Variants in ZHX3 observed in about 807,000 individuals in gnomAD.
ZHX3 encodes the protein zinc fingers and homeoboxes protein 3.
A neutral mutation model predicts 64.5 loss-of-function variants in ZHX3; 20 were observed. The ratio of observed to expected loss-of-function variants is 0.31; its 90% confidence interval spans 0.22 to 0.45. The LOEUF (loss-of-function observed/expected upper bound fraction) is 0.45, where lower values mean the gene tolerates loss of function less well. ZHX3 is among the 20% of genes least tolerant of loss of function. The probability of loss-of-function intolerance (pLI) is 1.00; values close to 1 mark genes in which losing one functional copy is unlikely to be tolerated. For missense variants in ZHX3, 1,041 were observed against 1,195.8 expected (o/e 0.87, Z 1.91); for synonymous variants, 423 against 461.6 (o/e 0.92, Z 1.07).
At chr20:41,211,598 C>T (rs947703904) in intron 2 of ZHX3, among the ~76,000 whole-genome samples, 2 of 152,130 alleles carry the variant, frequency 1.3e-5, no homozygotes, top group African/African-American at 4.8e-5. Flanking sequence ...ACAATGAGCA[C>T]ACATTTGTGC....
intron 1 of ZHX3, among the ~76,000 whole-genome samples, chr20:41,287,191 C>A (rs2043978833): frequency 6.6e-6 from 1 of 150,762 alleles, no homozygotes; most frequent in South Asian, 2.1e-4. Context: ...GGAATCCACA[C>A]CTGTTCCCTT....
intron 2 of ZHX3, among the ~76,000 whole-genome samples, chr20:41,266,354 G>A (rs1033886728): frequency 3.3e-5 from 5 of 151,958 alleles, no homozygotes; most frequent in African/African-American, 7.2e-5. Flanking sequence ...ATTCCAGTTC[G>A]CCTTTGACCT....
rs181762404 is a variant in ZHX3, at chr20:41,266,797, G to A, written c.-151+2193C>T. ...CCTGACGTCGTGATCTGCCTGCCTCGGCCTCCCAAAGTGCTAGGATTACAG... is the reference window on the plus strand; with the variant it reads ...CCTGACGTCGTGATCTGCCTGCCTCAGCCTCCCAAAGTGCTAGGATTACAG... On this transcript the variant is annotated intron_variant, in intron 2 of 3. Coordinates refer to ENST00000683867, the MANE Select transcript of ZHX3 (RefSeq NM_001384317.1). 6.3e-3 allele frequency among the ~76,000 whole-genome samples: 944 copies of A among 149,880 alleles called. 6 individuals carry two copies. The highest frequency in any genetic ancestry group is 0.022 in the African/African-American group (884 of 40,708).
At chr20:41,208,689 T>C (rs2038921928) in intron 2 of ZHX3, among the ~76,000 whole-genome samples, 1 of 152,164 alleles carries the variant, frequency 6.6e-6, no homozygotes, top group Admixed American at 6.6e-5. Flanking sequence ...ATGGGACGTA[T>C]CTCAAAATAA....
chr20:41,267,286 A>G (rs1237941019), intron 2 of ZHX3, among the ~76,000 whole-genome samples: 1 of 152,076 alleles, frequency 6.6e-6, no homozygotes, highest in Admixed American at 6.5e-5. Flanking sequence ...TCAAAGAGCT[A>G]TGTTTGACAA....
At chr20:41,275,153 C>T (rs775954980) in intron 1 of ZHX3, among the ~76,000 whole-genome samples, 2 of 151,268 alleles carry the variant, frequency 1.3e-5, no homozygotes, top group Non-Finnish European at 2.9e-5. Context: ...AGTGAAACTC[C>T]GTCTCAAAAA....
intron 1 of ZHX3, among the ~76,000 whole-genome samples, chr20:41,300,725 G>T (rs904750530): frequency 6.6e-6 from 1 of 152,196 alleles, no homozygotes; most frequent in Non-Finnish European, 1.5e-5. Flanking sequence ...GGGCAGGATA[G>T]GGTTTATTCT....
At chr20:41,243,520 T>C (rs1223679952) in intron 2 of ZHX3, among the ~76,000 whole-genome samples, 1 of 152,200 alleles carries the variant, frequency 6.6e-6, no homozygotes, top group South Asian at 2.1e-4. Context: ...GTCTTACCTA[T>C]GTGGAAGCTA....
At chr20:41,257,328 G>C (rs1408990746) in intron 2 of ZHX3, among the ~76,000 whole-genome samples, 3 of 152,062 alleles carry the variant, frequency 2.0e-5, no homozygotes, top group South Asian at 2.1e-4. Context: ...TGCTATCATA[G>C]CCTCATAAAA....
At chr20:41,191,646 G>T (rs1321045201) in intron 3 of ZHX3, among the ~76,000 whole-genome samples, 1 of 152,090 alleles carries the variant, frequency 6.6e-6, no homozygotes, top group African/African-American at 2.4e-5. Context: ...TTTTGCATTT[G>T]CATTTGTAAG....
At chr20:41,279,546 G>C (rs557449668) in intron 1 of ZHX3, among the ~76,000 whole-genome samples, 2 of 151,862 alleles carry the variant, frequency 1.3e-5, no homozygotes, top group African/African-American at 4.8e-5. Context: ...AAGTATTTGA[G>C]GACTTCTTGT....
intron 2 of ZHX3, among the ~76,000 whole-genome samples, chr20:41,209,165 C>A (rs1568830446): frequency 6.6e-6 from 1 of 152,166 alleles, no homozygotes; most frequent in Non-Finnish European, 1.5e-5. Flanking sequence ...AGGAGAACTA[C>A]AAACCAGTGC....
intron 1 of ZHX3, among the ~76,000 whole-genome samples, chr20:41,279,300 A>G (rs566323619): frequency 2.0e-5 from 3 of 152,212 alleles, no homozygotes; most frequent in South Asian, 4.2e-4. Context: ...TCTTTCTCAT[A>G]TATAATCCTC....
rs928063084 is a variant in ZHX3 at position 41,224,877 on chromosome 20, T to A, written c.-150-19811A>T. ...AGCTGAATTATTCTCTATCACAGCATCCTAATTGTTTCTTTCATAACATTT... is the reference window on the plus strand; with the variant it reads ...AGCTGAATTATTCTCTATCACAGCAACCTAATTGTTTCTTTCATAACATTT... On this transcript the variant is annotated intron_variant, in intron 2 of 3. Transcript: ENST00000683867. The surrounding 1 kb of genome is among the most constrained non-coding windows in gnomAD (Gnocchi z 5.2). Among the ~76,000 whole-genome samples, 1 of 152,242 alleles carries A rather than the reference T, an allele frequency of 6.6e-6. No homozygotes were observed. Among genetic ancestry groups the A allele is most frequent in the Admixed American group, 6.5e-5 (1 of 15,290 alleles).
At chr20:41,259,505 T>C (rs1223153941) in intron 2 of ZHX3, among the ~76,000 whole-genome samples, 2 of 152,174 alleles carry the variant, frequency 1.3e-5, no homozygotes, top group Non-Finnish European at 2.9e-5. Flanking sequence ...TAAATTATGA[T>C]GACTCCACAC....
rs2036134318 is a variant in ZHX3, at chr20:41,178,637, C to T, written c.*6554G>A. 6.6e-6 allele frequency: 1 copy of T among 152,638 alleles called. No individual in the cohort carries two copies. The highest frequency in any genetic ancestry group is 2.4e-5 in the African/African-American group (1 of 41,446). 9.5% of individuals were successfully genotyped at this position (152,638 alleles called of 1,614,324 possible). ...CATCCCCACAGGGGACCTCGTGAGGCCTGGAGATTCAGCCCCAAGAGGGCA... is the reference window on the plus strand; with the variant it reads ...CATCCCCACAGGGGACCTCGTGAGGTCTGGAGATTCAGCCCCAAGAGGGCA... On this transcript the variant is annotated 3_prime_UTR_variant, in exon 4 of 4. Transcript: ENST00000683867.
At chr20:41,307,642 C>T (rs1225401841) in intron 1 of ZHX3, among the ~76,000 whole-genome samples, 3 of 152,204 alleles carry the variant, frequency 2.0e-5, no homozygotes, top group Non-Finnish European at 4.4e-5. Flanking sequence ...ATTCATTAAG[C>T]ACCATGTTGT....
chr20:41,313,709 T>C (rs2045210182), intron 1 of ZHX3, among the ~76,000 whole-genome samples: 1 of 146,740 alleles, frequency 6.8e-6, no homozygotes, highest in Admixed American at 7.0e-5. Flanking sequence ...GCCATTCTCC[T>C]GCCTCAGCCT....
Position 41,226,905 on chromosome 20 carries a change from A to C in ZHX3, c.-150-21839T>G, listed in dbSNP as rs780173477. Among the ~76,000 whole-genome samples the C allele has an allele frequency of 6.6e-6, 1 of 152,214 alleles. No homozygotes were observed. Among genetic ancestry groups the C allele is most frequent in the Non-Finnish European group, 1.5e-5 (1 of 68,032 alleles). ...GGGTCTAAGCCCCCTGGAACAATAG[A>C]GGGCTATGGCTCTACCTTAGTCGGC... On this transcript the variant is annotated intron_variant, in intron 2 of 3. Coordinates refer to ENST00000683867, the MANE Select transcript of ZHX3 (RefSeq NM_001384317.1). This position sits in a 1 kb window ranked among gnomAD's most constrained non-coding sequence, Gnocchi z 4.4.
Sources: allele counts gnomAD v4.1 joint callset (sites outside exome capture counted in the v4.1 genomes callset), GRCh38; gene constraint gnomAD v4.1.1; non-coding constraint Gnocchi (gnomAD v3.1); transcripts MANE v1.5; gene names NCBI Gene and HGNC (gene_info 2026-07-23, HGNC 2026-07-21).